IL17REL: variants seen among roughly 807,000 people sequenced by gnomAD.
IL17REL encodes interleukin-17 receptor E-like protein.
IL17REL carries 36 observed loss-of-function variants against 49.0 expected under a neutral mutation model. The ratio of observed to expected loss-of-function variants is 0.73; its 90% CI spans 0.56 to 0.97. The LOEUF is 0.97. Ranked by LOEUF, IL17REL falls within the 50% of genes least tolerant of loss-of-function variation. IL17REL has a pLI of 0.00. For synonymous variants in IL17REL, 206 were observed against 192.4 expected (o/e 1.07, Z -0.58); for missense variants, 470 against 453.9 (o/e 1.04, Z -0.32).
chr22:50,006,141 T>C (rs979076564), intron 1 of IL17REL, among the ~76,000 whole-genome samples: 1 of 151,994 alleles, frequency 6.6e-6, no homozygotes, highest in African/African-American at 2.4e-5. Flanking sequence ...CTTCCCCACG[T>C]TGAGCTAGGC....
exon 13 of IL17REL, chr22:49,994,996 G>A (rs1282529061): frequency 1.3e-5 from 2 of 152,506 alleles, no homozygotes; most frequent in Non-Finnish European, 2.9e-5. Flanking sequence ...CTGGGTGAGT[G>A]GGGCTGGGAT....
intron 7 of IL17REL, 23 bp downstream of exon 9, chr22:49,999,268 C>A: frequency 6.2e-7 from 1 of 1,612,880 alleles, no homozygotes; most frequent in Non-Finnish European, 8.5e-7. Flanking sequence ...CCCTTCCGCC[C>A]GTTGGCATCG....
upstream of IL17REL, among the ~76,000 whole-genome samples, chr22:50,010,542 G>A (rs2061133795): frequency 6.6e-6 from 1 of 152,258 alleles, no homozygotes; most frequent in Non-Finnish European, 1.5e-5. Context: ...CGCCCACTGT[G>A]GCCTGGACTC....
upstream of IL17REL, among the ~76,000 whole-genome samples, chr22:50,011,669 C>T (rs1601895712): frequency 1.3e-5 from 2 of 152,272 alleles, no homozygotes; most frequent in East Asian, 3.9e-4. Context: ...CCTGCTGCCA[C>T]CGGTTCCCAC....
chr22:49,997,968 T>G, intron 9 of IL17REL, 57 bp downstream of exon 11: 64 of 1,256,728 alleles, frequency 5.1e-5, no homozygotes, highest in Non-Finnish European at 6.8e-5. Context: ...CTCCCCGCCC[T>G]GATGCCCCCT....
At chr22:49,994,442 G>A (rs1263863072), downstream of IL17REL, 1 of 152,370 alleles carries the variant, frequency 6.6e-6, no homozygotes, top group Admixed American at 6.5e-5. Context: ...CCAGCCTGGT[G>A]GGGATGGCTC....
intron 7 of IL17REL, among the ~76,000 whole-genome samples, chr22:49,998,994 G>A (rs1431546931): frequency 6.6e-6 from 1 of 152,120 alleles, no homozygotes; most frequent in Non-Finnish European, 1.5e-5. Context: ...GCGTCGCTGA[G>A]CAGAACCGAG....
At chr22:50,005,613 C>T (rs2061105279) in intron 1 of IL17REL, among the ~76,000 whole-genome samples, 2 of 151,980 alleles carry the variant, frequency 1.3e-5, no homozygotes, top group Non-Finnish European at 2.9e-5. Flanking sequence ...ACCAGCCTGG[C>T]CAACATGGTG....
chr22:50,003,423 A>G (rs2061089641), intron 1 of IL17REL, among the ~76,000 whole-genome samples: 1 of 148,988 alleles, frequency 6.7e-6, no homozygotes, highest in Non-Finnish European at 1.5e-5. Flanking sequence ...CAGGAAGCTG[A>G]GGCAGGAGAA....
chr22:49,999,155 A>G, intron 7 of IL17REL, 136 bp downstream of exon 9: 1 of 1,055,032 alleles, frequency 9.5e-7, no homozygotes, highest in Non-Finnish European at 1.5e-6. Flanking sequence ...CTTGGTGACA[A>G]GCCCTTCCGA....
chr22:49,998,833 ATGTG>A (rs1306961503), intron 7 of IL17REL, among the ~76,000 whole-genome samples: 1 of 146,318 alleles, frequency 6.8e-6, no homozygotes, highest in Non-Finnish European at 1.5e-5. Context: ...GTGCGTGTGC[ATGTG>A]TATGTGTGTG....
chr22:50,003,737 A>G (rs2061091933), intron 1 of IL17REL, among the ~76,000 whole-genome samples: 1 of 152,182 alleles, frequency 6.6e-6, no homozygotes, highest in South Asian at 2.1e-4. Context: ...GATAAAGATG[A>G]TCTGTGAAAA....
exon 2 of IL17REL, chr22:50,001,118 T>C (rs1344249183): frequency 1.2e-5 from 20 of 1,601,352 alleles, no homozygotes; most frequent in Non-Finnish European, 1.7e-5. Context: ...CGCAGGAGCA[T>C]CGCGCAGCCG....
chr22:50,010,911 G>T (rs895264686), upstream of IL17REL, among the ~76,000 whole-genome samples: 2 of 151,846 alleles, frequency 1.3e-5, no homozygotes, highest in African/African-American at 4.8e-5. Context: ...GCGTCGGGGG[G>T]TGTGCAGGGA....
upstream of IL17REL, chr22:50,012,594 T>C (rs1007643876): frequency 1.3e-5 from 2 of 152,318 alleles, no homozygotes; most frequent in African/African-American, 4.8e-5. Context: ...GGCCAGGCTC[T>C]GGAAAGTGCC....
At chr22:49,996,399 TC>T (rs962048797) in exon 13 of IL17REL, 1 of 152,444 alleles carries the variant, frequency 6.6e-6, no homozygotes, top group African/African-American at 2.4e-5. Context: ...TGTGCTTAGT[TC>T]TGTCCACTGG....
chr22:50,010,499 C>T (rs2061133537), upstream of IL17REL, among the ~76,000 whole-genome samples: 1 of 152,246 alleles, frequency 6.6e-6, no homozygotes, highest in African/African-American at 2.4e-5. Flanking sequence ...CCCCGGGCCT[C>T]CCTCCCGCCA....
downstream of IL17REL, among the ~76,000 whole-genome samples, chr22:49,992,437 A>G (rs1024254404): frequency 1.1e-4 from 16 of 151,984 alleles, no homozygotes; most frequent in African/African-American, 3.4e-4. Flanking sequence ...TTGAAATTTT[A>G]TATCTATTGA....
At chr22:50,010,191 C>T (rs2061131579), upstream of IL17REL, among the ~76,000 whole-genome samples, 1 of 152,250 alleles carries the variant, frequency 6.6e-6, no homozygotes, top group South Asian at 2.1e-4. Context: ...CGCCCGTGGG[C>T]GGAGTATACA....
Sources: gnomAD v4.1 joint callset for allele counts (sites outside exome capture counted in the v4.1 genomes callset) on GRCh38, gnomAD v4.1.1 for gene constraint, MANE v1.5 for transcripts, NCBI Gene and HGNC (gene_info 2026-07-23, HGNC 2026-07-21) for gene names.